Variants in MIOS observed in about 807,000 individuals in gnomAD.
MIOS encodes the protein meiosis regulator for oocyte development, also known as GATOR2 complex protein MIOS.
In MIOS, 52 loss-of-function variants were observed where a neutral mutation model predicts 96.9. The ratio of observed to expected loss-of-function variants is 0.54; its 90% CI spans 0.43 to 0.68. The LOEUF is 0.68. Ranked by LOEUF, MIOS falls within the 30% of genes least tolerant of loss-of-function variation. The pLI is 0.00. For missense variants in MIOS, 1,005 were observed against 1,052.8 expected (o/e 0.95, Z 0.63); for synonymous variants, 397 against 359.5 (o/e 1.10, Z -1.18).
chr7:7,575,460 T>G (rs1783499202), intron 5 of MIOS, among the ~76,000 whole-genome samples: 1 of 152,002 alleles, frequency 6.6e-6, no homozygotes, highest in Non-Finnish European at 1.5e-5. Context: ...AATGAATAAG[T>G]TTAGTTAGAA....
At chr7:7,599,157 A>G (rs1022574172) in intron 11 of MIOS, among the ~76,000 whole-genome samples, 7 of 152,324 alleles carry the variant, frequency 4.6e-5, no homozygotes, top group East Asian at 1.9e-4. Context: ...TGAAAATCCA[A>G]TGCCTTTTAA....
intron 9 of MIOS, among the ~76,000 whole-genome samples, chr7:7,594,495 A>T (rs762188001): frequency 6.6e-6 from 1 of 152,078 alleles, no homozygotes; most frequent in Non-Finnish European, 1.5e-5. Context: ...GGGTTTCACC[A>T]TGTTGGCCAG....
Position 7,604,163 on chromosome 7 carries a change from A to G in MIOS, c.2402-1779A>G, listed in dbSNP as rs192814421. The stretch of plus-strand genomic sequence containing the variant: ...ACACCAACATGGCACATGTATACAT[A>G]TATAACAAACCTGCACGTTGTGCAC... On this transcript the variant is annotated intron_variant, in intron 11 of 12. Transcript: ENST00000340080. Among the ~76,000 whole-genome samples the G allele has an allele frequency of 1.7e-3, 263 of 152,264 alleles. 1 individual carries two copies. The highest frequency in any genetic ancestry group is 5.9e-3 in the African/African-American group (247 of 41,548).
intron 6 of MIOS, among the ~76,000 whole-genome samples, chr7:7,585,296 A>G (rs949964435): frequency 1.2e-4 from 19 of 152,142 alleles, no homozygotes; most frequent in Admixed American, 2.6e-4. Flanking sequence ...CTTGAAAAGT[A>G]AAAGATCTGC....
At chr7:7,609,024 T>C (rs1281169246), downstream of MIOS, 1 of 152,126 alleles carries the variant, frequency 6.6e-6, no homozygotes, top group Non-Finnish European at 1.5e-5. Context: ...GTCACTGGTA[T>C]TTGGGTTTAT....
At chr7:7,584,820 C>G (rs1425821420) in intron 6 of MIOS, among the ~76,000 whole-genome samples, 1 of 152,132 alleles carries the variant, frequency 6.6e-6, no homozygotes, top group Non-Finnish European at 1.5e-5. Flanking sequence ...GAAGACTAGG[C>G]AGCCATACTG....
intron 11 of MIOS, among the ~76,000 whole-genome samples, chr7:7,601,856 T>C (rs1469062013): frequency 6.6e-6 from 1 of 151,970 alleles, no homozygotes; most frequent in African/African-American, 2.4e-5. Flanking sequence ...CAGCAACACA[T>C]CAAAAAGCTT....
intron 10 of MIOS, 38 bp downstream of exon 10, chr7:7,595,170 T>C: frequency 6.3e-7 from 1 of 1,577,208 alleles, no homozygotes; most frequent in Non-Finnish European, 8.6e-7. Flanking sequence ...AATTGTAACA[T>C]GTTGATGTTC....
At position 7,588,485 on chromosome 7, in the gene MIOS, CTCT is replaced by C. The variant is rs1163174366; in HGVS notation, c.1819-8_1819-6del. The C allele has an allele frequency of 6.4e-7, 1 of 1,551,416 alleles. No homozygotes were observed. The highest frequency in any genetic ancestry group is 1.4e-5 in the African/African-American group (1 of 73,540). On this transcript the variant is annotated splice_polypyrimidine_tract_variant and intron_variant, in intron 7 of 12. Coordinates refer to ENST00000340080, the MANE Select transcript of MIOS (RefSeq NM_019005.4). ...GCCTAGAAGTAACTCCTTGCTTTTT[CTCT>C]TCTTTCCAGTATGAAAACAAAGTTG...
chr7:7,590,177 C>T (rs1434786059), intron 9 of MIOS, among the ~76,000 whole-genome samples: 1 of 152,044 alleles, frequency 6.6e-6, no homozygotes, highest in Admixed American at 6.5e-5. Context: ...CTCCTCTTTC[C>T]TGCCCTCATC....
chr7:7,578,572 A>G (rs921175727), intron 5 of MIOS, among the ~76,000 whole-genome samples: 2 of 152,188 alleles, frequency 1.3e-5, no homozygotes, highest in East Asian at 1.9e-4. Flanking sequence ...AATGACTTCA[A>G]GGGGCAAAAT....
Position 7,572,261 on chromosome 7 carries a change from CT to C in MIOS, c.-40-167del, listed in dbSNP as rs1194418000. Reference sequence around the variant, plus strand: ...TTATTGGAAGTGGTTGTTCTTTCTCCTTTTTTTTCAATAAATATTTTCTTGA... The same window carrying C: ...TTATTGGAAGTGGTTGTTCTTTCTCCTTTTTTTCAATAAATATTTTCTTGA... On this transcript the variant is annotated intron_variant, in intron 3 of 12. Transcript: ENST00000340080. The surrounding 1 kb of genome is among the most constrained non-coding windows in gnomAD (Gnocchi z 4.8). Among the ~76,000 whole-genome samples the C allele has an allele frequency of 3.3e-5, 5 of 151,576 alleles. No homozygotes were observed.
chr7:7,568,523 C>T (rs987939111), intron 3 of MIOS, among the ~76,000 whole-genome samples: 2 of 151,380 alleles, frequency 1.3e-5, no homozygotes, highest in African/African-American at 2.4e-5. Flanking sequence ...ATAGATGCAC[C>T]TCTCTATACA....
At chr7:7,602,498 C>G (rs1286534724) in intron 11 of MIOS, among the ~76,000 whole-genome samples, 5 of 152,136 alleles carry the variant, frequency 3.3e-5, no homozygotes, top group Admixed American at 3.3e-4. Context: ...AATAAAATAC[C>G]TAGGAATCCA....
intron 9 of MIOS, among the ~76,000 whole-genome samples, chr7:7,594,096 A>G (rs577922376): frequency 6.6e-6 from 1 of 152,186 alleles, no homozygotes; most frequent in African/African-American, 2.4e-5. Context: ...CTAAGAAGGT[A>G]TTTGGTTTGG....
At chr7:7,594,924 C>G (rs1207278265) in intron 9 of MIOS, 56 bp from the exon 10 acceptor site, 2 of 1,330,178 alleles carry the variant, frequency 1.5e-6, no homozygotes, top group African/African-American at 1.5e-5. Flanking sequence ...ACCCAGAAGT[C>G]TCTGGCCTAG....
chr7:7,601,398 C>T (rs1202677964), intron 11 of MIOS, among the ~76,000 whole-genome samples: 10 of 151,720 alleles, frequency 6.6e-5, no homozygotes, highest in Non-Finnish European at 1.3e-4. Flanking sequence ...ATATCACCAC[C>T]GATCCCACAG....
intron 11 of MIOS, among the ~76,000 whole-genome samples, chr7:7,598,024 G>A (rs1443888262): frequency 6.6e-6 from 1 of 152,104 alleles, no homozygotes; most frequent in Non-Finnish European, 1.5e-5. Context: ...GTAAACATAT[G>A]GGAAAAAATT....
rs189618794 is a variant in MIOS at position 7,570,740 on chromosome 7, G to T, written c.-40-1696G>T. Among the ~76,000 whole-genome samples, 16 of 152,244 alleles carry T rather than the reference G, an allele frequency of 1.1e-4. No individual in the cohort carries two copies. The East Asian group carries it at 2.7e-3, about 26-fold the overall frequency. Reference sequence around the variant, plus strand: ...AGTTCACAATAGGGTTTGCACTCCTGTGAGAAACTAATGCTGCTATTGATC... The same window carrying T: ...AGTTCACAATAGGGTTTGCACTCCTTTGAGAAACTAATGCTGCTATTGATC... On this transcript the variant is annotated intron_variant, in intron 3 of 12. Transcript: ENST00000340080.
Sources: gnomAD v4.1 joint callset for allele counts (sites outside exome capture counted in the v4.1 genomes callset) on GRCh38, gnomAD v4.1.1 for gene constraint, Gnocchi (gnomAD v3.1) non-coding constraint, MANE v1.5 for transcripts, NCBI Gene and HGNC (gene_info 2026-07-23, HGNC 2026-07-21) for gene names.